Variants in ATRNL1 observed in about 807,000 individuals in gnomAD.
ATRNL1 encodes attractin-like protein 1.
Under a neutral mutation model 182.7 loss-of-function variants are expected in ATRNL1, and 95 were observed. The observed-to-expected ratio is 0.52, with a 90% CI of 0.44 to 0.62. ATRNL1 has a LOEUF of 0.62. Ranked by LOEUF, ATRNL1 falls within the 20% of genes least tolerant of loss-of-function variation. The pLI is 0.00. For synonymous variants in ATRNL1, 576 were observed against 568.3 expected, an observed-to-expected ratio of 1.01 and a Z score of -0.19; for missense variants, 1,471 against 1,679.5, an observed-to-expected ratio of 0.88 and a Z score of 2.17.
intron 27 of ATRNL1, among the ~76,000 whole-genome samples, chr10:115,801,140 C>G (rs1474600747): frequency 1.3e-5 from 2 of 152,164 alleles, no homozygotes. Flanking sequence ...GAGGATAACC[C>G]TTCCTGTCTT....
At chr10:115,246,553 C>CTTTT (rs1226864852) in intron 10 of ATRNL1, among the ~76,000 whole-genome samples, 2 of 117,942 alleles carry the variant, frequency 1.7e-5, no homozygotes, top group Non-Finnish European at 3.6e-5. Context: ...CTCTCTCATT[C>CTTTT]TTTTTTTTTT....
chr10:115,757,810 T>C (rs1240711919), intron 27 of ATRNL1, among the ~76,000 whole-genome samples: 1 of 152,130 alleles, frequency 6.6e-6, no homozygotes, highest in Non-Finnish European at 1.5e-5. Context: ...CAAATGTAGA[T>C]TTGGTCCTTT....
At chr10:115,310,091 C>T (rs1259609462) in intron 17 of ATRNL1, among the ~76,000 whole-genome samples, 2 of 152,010 alleles carry the variant, frequency 1.3e-5, no homozygotes, top group East Asian at 1.9e-4. Context: ...AATGCTTTTC[C>T]TGTAATTATT....
At chr10:115,879,477 T>C (rs1951778039) in intron 28 of ATRNL1, among the ~76,000 whole-genome samples, 1 of 152,038 alleles carries the variant, frequency 6.6e-6, no homozygotes, top group Non-Finnish European at 1.5e-5. Context: ...GAGAGCCCTA[T>C]ATGCAGGTAG....
intron 28 of ATRNL1, among the ~76,000 whole-genome samples, chr10:115,926,320 TC>T (rs1432959965): frequency 0.018 from 11 of 604 alleles, no homozygotes; most frequent in East Asian, 0.056. Context: ...AGACCTCAAA[TC>T]GGACACCCTA....
chr10:115,618,502 C>A (rs1355409606), intron 26 of ATRNL1, among the ~76,000 whole-genome samples: 1 of 151,608 alleles, frequency 6.6e-6, no homozygotes, highest in African/African-American at 2.4e-5. Context: ...GTCACATTGG[C>A]CTTTTTACAA....
intron 26 of ATRNL1, among the ~76,000 whole-genome samples, chr10:115,697,017 C>T (rs1593083640): frequency 6.6e-6 from 1 of 152,102 alleles, no homozygotes; most frequent in Non-Finnish European, 1.5e-5. Flanking sequence ...TCACCTCCCA[C>T]CTGGCCTCTT....
chr10:115,265,617 C>G lies in ATRNL1; in HGVS notation c.1772+340C>G, dbSNP rs183811087. Among the ~76,000 whole-genome samples, 488 of 151,602 alleles carry G rather than the reference C, an allele frequency of 3.2e-3. 1 individual carries two copies. Among genetic ancestry groups the G allele is most frequent in the Non-Finnish European group, 5.2e-3 (351 of 67,604 alleles). On this transcript the variant is annotated intron_variant, in intron 11 of 28. Transcript: ENST00000355044. ...GGAACTGAAATGATAGAGAGGCTAG[C>G]CCCATATTTCTATCAAGGAGAACAA...
chr10:115,517,812 A>G (rs1320553823), intron 24 of ATRNL1, among the ~76,000 whole-genome samples: 1 of 151,870 alleles, frequency 6.6e-6, no homozygotes, highest in African/African-American at 2.4e-5. Flanking sequence ...TCTTGTTGAC[A>G]ATATTCTTTG....
In ATRNL1 at chr10:115,615,013, T is replaced by G. The variant is rs375310639; in HGVS notation, c.3795+65477T>G. 2.6e-4 allele frequency among the ~76,000 whole-genome samples: 39 copies of G among 152,262 alleles called. 1 individual carries two copies. In the South Asian group the frequency reaches 7.9e-3, roughly 31 times the overall value. On this transcript the variant is annotated intron_variant, in intron 26 of 28. Transcript: ENST00000355044. ...TATTTTTTCATATGGGAATTTAAAG[T>G]GTTTACATTCAAGGTTTTTACTTTT...
chr10:115,477,126 C>A (rs1291537905), intron 24 of ATRNL1, among the ~76,000 whole-genome samples: 1 of 151,456 alleles, frequency 6.6e-6, no homozygotes, highest in African/African-American at 2.4e-5. Context: ...TAAAAGATTT[C>A]TCCCTTATAT....
chr10:115,923,701 G>T (rs1555119249), intron 28 of ATRNL1, among the ~76,000 whole-genome samples: 1 of 152,144 alleles, frequency 6.6e-6, no homozygotes, highest in African/African-American at 2.4e-5. Flanking sequence ...TGTAAATAGT[G>T]CCACAATAAA....
chr10:115,308,989 C>T (rs1163982408), intron 17 of ATRNL1, among the ~76,000 whole-genome samples: 3 of 152,074 alleles, frequency 2.0e-5, no homozygotes, highest in Non-Finnish European at 4.4e-5. Flanking sequence ...CCAGCTATCC[C>T]AGCACCATTT....
intron 5 of ATRNL1, among the ~76,000 whole-genome samples, chr10:115,137,028 G>T (rs1273049787): frequency 1.3e-5 from 2 of 152,160 alleles, no homozygotes; most frequent in Non-Finnish European, 2.9e-5. Flanking sequence ...CATGTGTAAA[G>T]AACACAATAG....
At chr10:115,908,122 A>G (rs1029471679) in intron 28 of ATRNL1, among the ~76,000 whole-genome samples, 1 of 152,216 alleles carries the variant, frequency 6.6e-6, no homozygotes, top group East Asian at 1.9e-4. Flanking sequence ...CCGTGAACAC[A>G]TAAGACCTCT....
In ATRNL1 at chr10:115,631,971, A is replaced by G. The variant is rs368456808; in HGVS notation, c.3795+82435A>G. Among the ~76,000 whole-genome samples the G allele has an allele frequency of 2.6e-4, 40 of 152,294 alleles. 1 individual carries two copies. The South Asian group carries it at 7.9e-3, about 30-fold the overall frequency. Reference sequence around the variant, plus strand: ...ATCTATCAAGAATATATATCAATATATAGTTGTACTCATCACTGTGTTCAT... The same window carrying G: ...ATCTATCAAGAATATATATCAATATGTAGTTGTACTCATCACTGTGTTCAT... On this transcript the variant is annotated intron_variant, in intron 26 of 28. Transcript: ENST00000355044.
intron 28 of ATRNL1, among the ~76,000 whole-genome samples, chr10:115,889,034 T>TA (rs1952017366): frequency 6.6e-6 from 1 of 152,204 alleles, no homozygotes; most frequent in African/African-American, 2.4e-5. Context: ...CAAGCTGTAG[T>TA]AAACTCTTGA....
chr10:115,290,926 C>T (rs1486808040), intron 15 of ATRNL1, among the ~76,000 whole-genome samples: 4 of 152,262 alleles, frequency 2.6e-5, no homozygotes, highest in African/African-American at 9.6e-5. Flanking sequence ...TTGGCTAGTG[C>T]CATGTTGCCT....
intron 9 of ATRNL1, among the ~76,000 whole-genome samples, chr10:115,217,711 C>T (rs1249459533): frequency 6.6e-6 from 1 of 152,082 alleles, no homozygotes; most frequent in African/African-American, 2.4e-5. Flanking sequence ...ACAAATGGCA[C>T]TGGATATTTA....
Sources: gnomAD v4.1 joint callset for allele counts (sites outside exome capture counted in the v4.1 genomes callset) on GRCh38, gnomAD v4.1.1 for gene constraint, MANE v1.5 for transcripts, NCBI Gene and HGNC (gene_info 2026-07-23, HGNC 2026-07-21) for gene names.